TTC28: variants seen among roughly 807,000 people sequenced by gnomAD.
TTC28 encodes the protein tetratricopeptide repeat domain 28, also known as tetratricopeptide repeat protein 28.
A neutral mutation model predicts 198.0 loss-of-function variants in TTC28; 61 were observed. The ratio of observed to expected loss-of-function variants is 0.31; its 90% CI spans 0.25 to 0.38. The LOEUF is 0.38. TTC28 is among the 10% of genes least tolerant of loss of function. The pLI, the probability that TTC28 is intolerant of heterozygous loss-of-function variation, is 1.00. For synonymous variants in TTC28, 1,171 were observed against 1,297.8 expected (o/e 0.90, Z 2.10); for missense variants, 2,678 against 3,164.0 (o/e 0.85, Z 3.69).
At chr22:28,433,320 T>C (rs182517934) in intron 2 of TTC28, among the ~76,000 whole-genome samples, 3 of 152,308 alleles carry the variant, frequency 2.0e-5, no homozygotes, top group Admixed American at 6.5e-5. Flanking sequence ...AAACCCTAGA[T>C]TGCAAACTCC....
intron 2 of TTC28, among the ~76,000 whole-genome samples, chr22:28,331,558 C>A (rs1009118746): frequency 1.3e-5 from 2 of 152,080 alleles, no homozygotes; most frequent in Non-Finnish European, 2.9e-5. Context: ...TAGCCTAATA[C>A]AGATACATAA....
intron 1 of TTC28, among the ~76,000 whole-genome samples, chr22:28,663,079 T>C (rs1047762261): frequency 3.9e-5 from 6 of 151,952 alleles, no homozygotes; most frequent in Admixed American, 2.0e-4. Context: ...AAACCCCGTC[T>C]GTACTAAAAA....
At chr22:28,427,399 A>T (rs2047365519) in intron 2 of TTC28, among the ~76,000 whole-genome samples, 1 of 152,198 alleles carries the variant, frequency 6.6e-6, no homozygotes, top group Admixed American at 6.5e-5. Flanking sequence ...CACGCCTGTA[A>T]TCCCAGCACT....
chr22:28,655,930 A>C (rs567351294), intron 1 of TTC28, among the ~76,000 whole-genome samples: 46 of 152,142 alleles, frequency 3.0e-4, no homozygotes, highest in Non-Finnish European at 6.0e-4. Context: ...CCAGGTTGAC[A>C]CCTACTCCTT....
At chr22:28,191,179 G>A (rs543753314) in intron 5 of TTC28, among the ~76,000 whole-genome samples, 1 of 152,234 alleles carries the variant, frequency 6.6e-6, no homozygotes, top group East Asian at 1.9e-4. Context: ...TTAATTAAAA[G>A]AAACATGTTT....
At chr22:28,575,213 T>TG (rs1160964582) in intron 2 of TTC28, among the ~76,000 whole-genome samples, 5 of 152,114 alleles carry the variant, frequency 3.3e-5, no homozygotes, top group Non-Finnish European at 7.4e-5. Flanking sequence ...TGGCAAGAGA[T>TG]AAGGGTCTAG....
intron 2 of TTC28, among the ~76,000 whole-genome samples, chr22:28,359,899 T>C (rs192679990): frequency 1.1e-4 from 16 of 152,134 alleles, no homozygotes; most frequent in Admixed American, 7.2e-4. Context: ...TTCCAAGCAA[T>C]ATACATGACA....
At chr22:28,479,934 C>T (rs2048221398) in intron 2 of TTC28, among the ~76,000 whole-genome samples, 2 of 152,118 alleles carry the variant, frequency 1.3e-5, no homozygotes, top group South Asian at 4.2e-4. Flanking sequence ...ATTTTTAAAA[C>T]ATTTATTGAA....
chr22:28,678,258 A>G (rs1042124265), intron 1 of TTC28, among the ~76,000 whole-genome samples: 1 of 152,212 alleles, frequency 6.6e-6, no homozygotes, highest in Non-Finnish European at 1.5e-5. Flanking sequence ...TGTGTTATCC[A>G]GGCTGGAATG....
At chr22:28,379,287 A>C (rs887439038) in intron 2 of TTC28, among the ~76,000 whole-genome samples, 5 of 152,306 alleles carry the variant, frequency 3.3e-5, no homozygotes, top group African/African-American at 1.2e-4. Flanking sequence ...TATATACCCA[A>C]AATAACTGAA....
At chr22:28,102,294 T>C (rs1160480986) in intron 8 of TTC28, among the ~76,000 whole-genome samples, 3 of 152,212 alleles carry the variant, frequency 2.0e-5, no homozygotes, top group Admixed American at 2.0e-4. Flanking sequence ...TCCTTTTCAG[T>C]CTAAGATTTT....
intron 5 of TTC28, among the ~76,000 whole-genome samples, chr22:28,246,162 C>T (rs1193960670): frequency 1.3e-5 from 2 of 152,100 alleles, no homozygotes; most frequent in East Asian, 3.8e-4. Flanking sequence ...CGAAGGAATA[C>T]AATGTTTAAT....
chr22:28,368,443 T>C (rs1468695621), intron 2 of TTC28, among the ~76,000 whole-genome samples: 1 of 152,100 alleles, frequency 6.6e-6, no homozygotes, highest in Non-Finnish European at 1.5e-5. Context: ...AGTATCATAA[T>C]GAATGGAGAA....
chr22:28,437,312 G>C (rs2146215548), intron 2 of TTC28, among the ~76,000 whole-genome samples: 1 of 152,146 alleles, frequency 6.6e-6, no homozygotes, highest in African/African-American at 2.4e-5. Flanking sequence ...CGAACTCTTA[G>C]CCTCAAGTGA....
chr22:28,662,977 G>A (rs1160224902), intron 1 of TTC28, among the ~76,000 whole-genome samples: 7 of 151,910 alleles, frequency 4.6e-5, no homozygotes, highest in South Asian at 2.1e-4. Flanking sequence ...CACCGGGCGC[G>A]GTGGCTCACA....
chr22:28,579,013 A>G (rs541482077), intron 2 of TTC28, among the ~76,000 whole-genome samples: 6 of 152,068 alleles, frequency 3.9e-5, no homozygotes, highest in African/African-American at 1.4e-4. Flanking sequence ...ATATGCAAGT[A>G]CATATATGTA....
chr22:28,082,966 G>T (rs1472934148), intron 12 of TTC28, among the ~76,000 whole-genome samples: 1 of 151,664 alleles, frequency 6.6e-6, no homozygotes, highest in African/African-American at 2.4e-5. Context: ...TCATGATTCA[G>T]TCTTGGTAGG....
chr22:28,446,585 C>T (rs2047706432), intron 2 of TTC28, among the ~76,000 whole-genome samples: 1 of 152,084 alleles, frequency 6.6e-6, no homozygotes, highest in African/African-American at 2.4e-5. Context: ...CATCTTGTTC[C>T]CGCTCTTGCC....
At chr22:28,546,485 C>G (rs187658153) in intron 2 of TTC28, among the ~76,000 whole-genome samples, 43 of 152,212 alleles carry the variant, frequency 2.8e-4, no homozygotes, top group Non-Finnish European at 4.9e-4. Context: ...CTGTCAACAC[C>G]ATGTGTTGGA....
Sources: gnomAD v4.1 joint callset for allele counts (sites outside exome capture counted in the v4.1 genomes callset) on GRCh38, gnomAD v4.1.1 for gene constraint, MANE v1.5 for transcripts, NCBI Gene and HGNC (gene_info 2026-07-23, HGNC 2026-07-21) for gene names.